Variants in RECQL4 observed in about 807,000 individuals in gnomAD.
RECQL4 encodes the protein ATP-dependent DNA helicase Q4.
RECQL4 carries 158 observed loss-of-function variants against 128.6 expected under a neutral mutation model. The observed-to-expected ratio is 1.23, with a 90% confidence interval of 1.08 to 1.40. The LOEUF (loss-of-function observed/expected upper bound fraction) is 1.40, where lower values mean the gene tolerates loss of function less well. RECQL4 is among the 40% of genes most tolerant of loss of function. The pLI is 0.00. For missense variants in RECQL4, 2,293 were observed against 1,649.8 expected (o/e 1.39, Z -6.75); for synonymous variants, 996 against 678.9 (o/e 1.47, Z -7.26).
rs909777665 is a variant in RECQL4, at chr8:144,514,296, G to A, written c.1771C>T (p.Pro591Ser). 9 of 1,611,046 alleles carry A rather than the reference G, an allele frequency of 5.6e-6. No homozygotes were observed. The highest frequency in any genetic ancestry group is 5.5e-5 in the South Asian group (5 of 91,060). Reference sequence around the variant, plus strand: ...ACTGGAGGCAGCTGTGCGGCTGGAGGGAGGCCTCCCGCCCCCACCAGTGCC... The same window carrying A: ...ACTGGAGGCAGCTGTGCGGCTGGAGAGAGGCCTCCCGCCCCCACCAGTGCC... ...PEALVGAGGL[P>S]PAAQLPPVAF... The change falls in exon 11 of 21, where the codon CCT becomes TCT. Residue 591 changes from proline to serine, a missense_variant. By Grantham distance (74) the Pro-to-Ser change is moderately conservative. Coordinates refer to ENST00000617875, the MANE Select transcript of RECQL4 (RefSeq NM_004260.4).
At position 144,511,720 on chromosome 8, in the gene RECQL4, A is replaced by G. The variant is rs757502009; in HGVS notation, c.3463T>C (p.Phe1155Leu). ...ATGCGGGCCACAGCCCTGCTGGAGA[A>G]CTTCTCCTCTGGCCTCAGGGACAGG... ...QFLSLRPEEK[F>L]SSRAVARIFH... The change falls in exon 20 of 21, where the codon TTC (phenylalanine) becomes CTC (leucine). Residue 1155 changes from phenylalanine to leucine, a missense_variant. Transcript: ENST00000617875. The G allele has an allele frequency of 5.0e-6, 8 of 1,612,312 alleles. No individual in the cohort carries two copies. The highest frequency in any genetic ancestry group is 5.9e-6 in the Non-Finnish European group (7 of 1,179,784).
rs1206178457 is a variant in RECQL4 at position 144,512,921 on chromosome 8, C to T, written c.2681G>A (p.Arg894Lys). 6.3e-7 allele frequency: 1 copy of T among 1,581,946 alleles called. No homozygotes were observed. Among genetic ancestry groups the T allele is most frequent in the Non-Finnish European group, 8.6e-7 (1 of 1,164,304 alleles). The change falls in exon 15 of 21, where the codon AGA becomes AAA. Residue 894 changes from arginine (R) to lysine (K), a missense_variant. Physicochemically the swap from Arg to Lys is conservative, Grantham distance 26. Coordinates refer to ENST00000617875, the MANE Select transcript of RECQL4 (RefSeq NM_004260.4). The part of the protein sequence containing the change: ...QLSHQAAPGP[R>K]RVCMGHERAL... ...CCGCTCATGGCCCATGCAGACCCTTCTGGGTCCTGGGGCTGCTTGGTGGCT... is the reference window on the plus strand; with the variant it reads ...CCGCTCATGGCCCATGCAGACCCTTTTGGGTCCTGGGGCTGCTTGGTGGCT...
rs587778644 is a variant in RECQL4, at chr8:144,513,296, G to A, written c.2385C>T (p.Phe795=). 3.7e-5 allele frequency: 59 copies of A among 1,599,776 alleles called. No individual in the cohort carries two copies. Among genetic ancestry groups the A allele is most frequent in the African/African-American group, 2.7e-4 (20 of 74,904 alleles). The change falls in exon 14 of 21, where the codon TTC becomes TTT. Residue 795 remains phenylalanine (F), a synonymous_variant. Transcript: ENST00000617875. ...GGCCCACGGCCTGCACGTAGCTCTC[G>A]AAGCTTGGGGGCAGCCCCAGATGCA... The part of the protein sequence containing the change: ...AVLHLGLPPS[F]ESYVQAVGRA...
chr8:144,511,764 C>G lies in RECQL4; in HGVS notation c.3419G>C (p.Arg1140Pro). The change falls in exon 20 of 21, where the codon CGC becomes CCC. Residue 1140 changes from arginine to proline, a missense_variant. Transcript: ENST00000617875. Reference sequence around the variant, plus strand: ...GGACAGGAACTGGCGGATGTCGCAGCGGACCTGGTCCTCCCAATCCTGGAG... The same window carrying G: ...GGACAGGAACTGGCGGATGTCGCAGGGGACCTGGTCCTCCCAATCCTGGAG... Reference protein sequence around the residue: ...ARLQDWEDQVRCDIRQFLSLR... With the variant: ...ARLQDWEDQVPCDIRQFLSLR... 1 of 1,612,554 alleles carries G rather than the reference C, an allele frequency of 6.2e-7. No homozygotes were observed. Among genetic ancestry groups the G allele is most frequent in the African/African-American group, 1.3e-5 (1 of 75,074 alleles).
chr8:144,515,237 G>C lies in RECQL4; in HGVS notation c.1396C>G (p.Pro466Ala), dbSNP rs562809072. Reference protein sequence around the residue: ...LGPSGQLAETPAEVFQALEQL... With the variant: ...LGPSGQLAETAAEVFQALEQL... ...TCCAGGGCCTGGAACACCTCAGCCG[G>C]CGTCTCTGCAGACACAGATGTTGAT... The change falls in exon 8 of 21, where the codon CCG becomes GCG. Residue 466 changes from proline to alanine, a missense_variant. By Grantham distance (27) the Pro-to-Ala change is conservative (BLOSUM62 -1). Transcript: ENST00000617875. The C allele has an allele frequency of 5.3e-5, 84 of 1,590,572 alleles. 1 individual carries two copies. In the South Asian group the frequency reaches 9.1e-4, roughly 17 times the overall value.
At position 144,516,583 on chromosome 8, in the gene RECQL4, A is replaced by T. The variant is rs753361853; in HGVS notation, c.536T>A (p.Leu179Gln). ...PGRLQHLQAS[L>Q]SQRLGSLDPG... ...ATCTAGGGAGCCCAGCCGCTGGCTC[A>T]GGGATGCCTGCAGATGCTGGAGCCG... is the stretch of plus-strand genomic sequence containing the variant. Residue 179 changes from leucine to glutamine, a missense_variant, in exon 5 of 21, where the codon CTG becomes CAG. Transcript: ENST00000617875. 7 of 1,610,096 alleles carry T rather than the reference A, an allele frequency of 4.3e-6. No individual in the cohort carries two copies. In the Admixed American group the frequency reaches 1.2e-4, roughly 27 times the overall value.
chr8:144,511,559 C>T lies in RECQL4; in HGVS notation c.3503-4G>A, dbSNP rs747471318. The T allele has an allele frequency of 2.1e-5, 34 of 1,611,866 alleles. No homozygotes were observed. The highest frequency in any genetic ancestry group is 1.7e-4 in the Middle Eastern group (1 of 6,054). ...TGGGCCGGGTAGCAGGGGCTTCCTACGGTGGAGCCAAGACACAGCCGTGAG... is the reference window on the plus strand; with the variant it reads ...TGGGCCGGGTAGCAGGGGCTTCCTATGGTGGAGCCAAGACACAGCCGTGAG... On this transcript the variant is annotated splice_polypyrimidine_tract_variant and splice_region_variant and intron_variant, in intron 20 of 20. Coordinates refer to ENST00000617875, the MANE Select transcript of RECQL4 (RefSeq NM_004260.4).
chr8:144,512,153 G>T lies in RECQL4; in HGVS notation c.3227C>A (p.Ala1076Asp). Residue 1076 changes from alanine (A) to aspartate (D), a missense_variant, in exon 18 of 21, where the codon GCC (alanine) becomes GAC (aspartate). Coordinates refer to ENST00000617875, the MANE Select transcript of RECQL4 (RefSeq NM_004260.4). ...ALARLRRTFQ[A>D]FHSVAFPSCG... ...CCCGCCTCCTCCCAACCTGTGAAAG[G>T]CCTGGAAGGTTCTGCGCAGACGGGC... is the stretch of plus-strand genomic sequence containing the variant. 6.2e-7 allele frequency: 1 copy of T among 1,608,814 alleles called. No homozygotes were observed. The highest frequency in any genetic ancestry group is 1.1e-5 in the South Asian group (1 of 90,738).
Position 144,512,505 on chromosome 8 carries a change from C to CTTGGAA in RECQL4, c.2941_2942insTTCCAA (p.Gly981delinsValProSer), listed in dbSNP as rs776993029. ...CATGTCAAACTCCACGGAGCTGCTG[C>CTTGGAA]CTTGCCCTGGGTCCTCAGGCAGCTG... is the stretch of plus-strand genomic sequence containing the variant. On this transcript the variant is annotated protein_altering_variant, in exon 17 of 21. Coordinates refer to ENST00000617875, the MANE Select transcript of RECQL4 (RefSeq NM_004260.4). 13 of 1,612,426 alleles carry CTTGGAA rather than the reference C, an allele frequency of 8.1e-6. No individual in the cohort carries two copies. The South Asian group carries it at 1.3e-4, about 16-fold the overall frequency.
intron 1 of RECQL4, 28 bp from the exon 2 acceptor site, chr8:144,517,663 C>G (rs1217886448): frequency 6.8e-7 from 1 of 1,469,980 alleles, no homozygotes; most frequent in Non-Finnish European, 8.9e-7. Flanking sequence ...CAGCCGCGGG[C>G]CGCGCCCTCA....
chr8:144,516,019 C>G lies in RECQL4; in HGVS notation c.1100G>C (p.Arg367Pro), dbSNP rs766344677. 6 of 1,610,152 alleles carry G rather than the reference C, an allele frequency of 3.7e-6. No homozygotes were observed. In the South Asian group the frequency reaches 4.4e-5, roughly 12 times the overall value. Residue 367 changes from arginine (R) to proline (P), a missense_variant, in exon 5 of 21, where the codon CGG (arginine) becomes CCG (proline). By Grantham distance (103) the Arg-to-Pro change is moderately radical (BLOSUM62 -2). Transcript: ENST00000617875. ...NMKQKHYVRG[R>P]ALRSRLLRKQ... is the part of the protein sequence containing the mutation. The stretch of plus-strand genomic sequence containing the variant: ...GCGGAGGAGCCTGCTACGGAGTGCC[C>G]GGCCCCGCACGTAGTGTTTCTGCTT...
Position 144,516,208 on chromosome 8 carries a change from T to C in RECQL4, c.911A>G (p.Gln304Arg), listed in dbSNP as rs2130720006. The C allele has an allele frequency of 6.2e-7, 1 of 1,613,328 alleles. No individual in the cohort carries two copies. The highest frequency in any genetic ancestry group is 8.5e-7 in the Non-Finnish European group (1 of 1,179,850). ...VEEDPPGEPV[Q>R]AQPPQPCSSP... is the part of the protein sequence containing the mutation. ...GCTGCAGGGCTGAGGTGGCTGTGCC[T>C]GTACAGGTTCCCCTGGAGGGTCTTC... The change falls in exon 5 of 21, where the codon CAG becomes CGG. Residue 304 changes from glutamine to arginine, a missense_variant. Coordinates refer to ENST00000617875, the MANE Select transcript of RECQL4 (RefSeq NM_004260.4).
At chr8:144,517,315 A>C (rs1815298037) in intron 3 of RECQL4, 99 bp downstream of exon 3, 1 of 1,481,654 alleles carries the variant, frequency 6.7e-7, no homozygotes, top group African/African-American at 1.4e-5. Context: ...CCCCCTCCCA[A>C]GTTCTGTGCC....
Position 144,517,505 on chromosome 8 carries a change from A to C in RECQL4, c.122T>G (p.Leu41Arg). The C allele has an allele frequency of 6.3e-7, 1 of 1,591,164 alleles. No individual in the cohort carries two copies. Among genetic ancestry groups the C allele is most frequent in the Non-Finnish European group, 8.5e-7 (1 of 1,174,256 alleles). ...CTTCAGAGTGCGGTATTCCCGGTAG[A>C]GCGCTGCGTGGGCGAGCGGGAGGCG... The part of the protein sequence containing the change: ...VEAAPEETRA[L>R]YREYRTLKRT... The change falls in exon 3 of 21, where the codon CTC becomes CGC. Residue 41 changes from leucine to arginine, a missense_variant. Leu to Arg is a moderately radical substitution (Grantham distance 102). Transcript: ENST00000617875.
rs1362276556 is a variant in RECQL4, at chr8:144,512,491, C to G, written c.2956G>C (p.Glu986Gln). The change falls in exon 17 of 21, where the codon GAG (glutamate) becomes CAG (glutamine). Residue 986 changes from glutamate to glutamine, a missense_variant. Physicochemically the swap from Glu to Gln is conservative, Grantham distance 29. Transcript: ENST00000617875. The part of the protein sequence containing the change: ...EDPGQGSSSV[E>Q]FDMVKLVDSM... ...TCCACCAGCTTGACCATGTCAAACT[C>G]CACGGAGCTGCTGCCTTGCCCTGGG... The G allele has an allele frequency of 8.7e-6, 14 of 1,612,360 alleles. No individual in the cohort carries two copies. Among genetic ancestry groups the G allele is most frequent in the Non-Finnish European group, 1.1e-5 (13 of 1,179,784 alleles).
At position 144,517,094 on chromosome 8, in the gene RECQL4, C is replaced by A. The variant is rs755423437; in HGVS notation, c.310G>T (p.Asp104Tyr). ...PGRSRQGSVP[D>Y]YGQRLKANLK... Reference sequence around the variant, plus strand: ...TTGGCCTTGAGCCGCTGCCCGTAGTCCGGCACCGAGCCCTGGCGGCTCCGC... The same window carrying A: ...TTGGCCTTGAGCCGCTGCCCGTAGTACGGCACCGAGCCCTGGCGGCTCCGC... Residue 104 changes from aspartate (D) to tyrosine (Y), a missense_variant, in exon 4 of 21, where the codon GAC becomes TAC. By Grantham distance (160) the Asp-to-Tyr change is radical (BLOSUM62 -3). Coordinates refer to ENST00000617875, the MANE Select transcript of RECQL4 (RefSeq NM_004260.4). 1.9e-6 allele frequency: 3 copies of A among 1,612,460 alleles called. No individual in the cohort carries two copies. The highest frequency in any genetic ancestry group is 1.7e-6 in the Non-Finnish European group (2 of 1,179,742).
At position 144,516,088 on chromosome 8, in the gene RECQL4, C is replaced by A. The variant is rs745874353; in HGVS notation, c.1031G>T (p.Arg344Leu). The change falls in exon 5 of 21, where the codon CGG (arginine) becomes CTG (leucine). Residue 344 changes from arginine (R) to leucine (L), a missense_variant. Physicochemically the swap from Arg to Leu is moderately radical, Grantham distance 102. Coordinates refer to ENST00000617875, the MANE Select transcript of RECQL4 (RefSeq NM_004260.4). The part of the protein sequence containing the change: ...EGTAPLHIFP[R>L]LARHDRGNYV... ...ATTGCCCCTGTCATGGCGGGCCAGCCGAGGGAAGATGTGCAGGGGGGCTGT... is the reference window on the plus strand; with the variant it reads ...ATTGCCCCTGTCATGGCGGGCCAGCAGAGGGAAGATGTGCAGGGGGGCTGT... The A allele has an allele frequency of 1.2e-6, 2 of 1,612,686 alleles. No homozygotes were observed. Among genetic ancestry groups the A allele is most frequent in the East Asian group, 2.2e-5 (1 of 44,884 alleles).
chr8:144,515,476 G>C lies in RECQL4; in HGVS notation c.1259-19C>G. ...TCACTTGCTGGGGCAGGCAGGAGAG[G>C]GTAGAATGGGAGCTCCAGGTCGGGC... On this transcript the variant is annotated intron_variant, in intron 6 of 20. Coordinates refer to ENST00000617875, the MANE Select transcript of RECQL4 (RefSeq NM_004260.4). 6.2e-7 allele frequency: 1 copy of C among 1,612,454 alleles called. No individual in the cohort carries two copies.
chr8:144,516,797 C>T (rs760591157), intron 4 of RECQL4, 33 bp from the exon 5 acceptor site: 3 of 1,511,498 alleles, frequency 2.0e-6, no homozygotes, highest in Admixed American at 2.3e-5. Context: ...GCAGGAGGAA[C>T]TCAGGCCCCT....
Sources: allele counts gnomAD v4.1 joint callset, GRCh38; gene constraint gnomAD v4.1.1; transcripts MANE v1.5; gene names NCBI Gene and HGNC (gene_info 2026-07-23, HGNC 2026-07-21).